Variants in FSIP1 observed in about 807,000 individuals in gnomAD.
FSIP1 encodes fibrous sheath-interacting protein 1.
FSIP1 carries 65 observed loss-of-function variants against 60.9 expected under a neutral mutation model. The ratio of observed to expected loss-of-function variants is 1.07; its 90% CI spans 0.87 to 1.31. FSIP1 has a LOEUF of 1.31. Among genes scored for constraint, FSIP1 ranks in the 40% most tolerant of loss-of-function variants. The pLI is 0.00. For synonymous variants in FSIP1, 209 were observed against 221.2 expected (o/e 0.94, Z 0.49); for missense variants, 675 against 665.5 (o/e 1.01, Z -0.16).
intron 10 of FSIP1, among the ~76,000 whole-genome samples, chr15:39,705,934 G>A (rs1034958108): frequency 2.0e-5 from 3 of 150,968 alleles, no homozygotes; most frequent in African/African-American, 7.3e-5. Context: ...GGAGGCAGAG[G>A]TTGCAGTGAG....
In FSIP1 at chr15:39,651,983, C is replaced by T. The variant is rs548197940; in HGVS notation, c.1189-33738G>A. On this transcript the variant is annotated intron_variant, in intron 10 of 11. Transcript: ENST00000350221. ...CCACATTAAAGCAGTCAGCTCAATTCTTGACACACAGATTGGAGGACAAAT... is the reference window on the plus strand; with the variant it reads ...CCACATTAAAGCAGTCAGCTCAATTTTTGACACACAGATTGGAGGACAAAT... Among the ~76,000 whole-genome samples the T allele has an allele frequency of 9.8e-5, 15 of 152,350 alleles. No individual in the cohort carries two copies. The South Asian group carries it at 3.1e-3, about 32-fold the overall frequency.
chr15:39,780,306 G>C (rs113945032), intron 1 of FSIP1, among the ~76,000 whole-genome samples: 1,645 of 152,214 alleles, frequency 0.011, 32 homozygotes, highest in African/African-American at 0.037. Flanking sequence ...GGCAGATCAC[G>C]AGGTCAGGAG....
intron 9 of FSIP1, among the ~76,000 whole-genome samples, chr15:39,716,231 C>T (rs1401240597): frequency 6.6e-6 from 1 of 152,168 alleles, no homozygotes; most frequent in Non-Finnish European, 1.5e-5. Flanking sequence ...AAGTAGGACA[C>T]ATGGTAATCT....
At chr15:39,680,393 A>C (rs978191115) in intron 10 of FSIP1, among the ~76,000 whole-genome samples, 1 of 152,224 alleles carries the variant, frequency 6.6e-6, no homozygotes, top group Non-Finnish European at 1.5e-5. Flanking sequence ...TTCTTTTGAC[A>C]TGGTATCATA....
rs962626526 is a variant in FSIP1, at chr15:39,702,510, T to C, written c.1188+10934A>G. On this transcript the variant is annotated intron_variant, in intron 10 of 11. Coordinates refer to ENST00000350221, the MANE Select transcript of FSIP1 (RefSeq NM_152597.5). ...CTCCCTTAACATCTAGTCTGCCATA[T>C]AGCTAGAACTAGAACTCTCCCGTCC... 1.8e-5 allele frequency among the ~76,000 whole-genome samples: 2 copies of C among 113,560 alleles called. 1 individual carries two copies. The highest frequency in any genetic ancestry group is 6.8e-5 in the African/African-American group (2 of 29,546). 74.5% of individuals were successfully genotyped at this position (113,560 alleles called of 152,430 possible). A position where few individuals can be genotyped will look rare whatever the true frequency, so the allele number is the denominator to read the frequency against.
At position 39,770,545 on chromosome 15, in the gene FSIP1, G is replaced by T; in HGVS notation, c.192C>A (p.Asn64Lys). ...GCTTATCATCATTACTAGTTCTTCT[G>T]TTCTCTGTATTACTGCTTTCGGAGT... ...EDHSESSNTENRRTSNDDKQE... is the reference protein window; with the variant it reads ...EDHSESSNTEKRRTSNDDKQE... The change falls in exon 3 of 12, where the codon AAC (asparagine) becomes AAA (lysine). Residue 64 changes from asparagine to lysine, a missense_variant. Physicochemically the swap from Asn to Lys is moderately conservative, Grantham distance 94. Coordinates refer to ENST00000350221, the MANE Select transcript of FSIP1 (RefSeq NM_152597.5). The T allele has an allele frequency of 6.2e-7, 1 of 1,609,368 alleles. No individual in the cohort carries two copies. Among genetic ancestry groups the T allele is most frequent in the Non-Finnish European group, 8.5e-7 (1 of 1,178,776 alleles).
intron 10 of FSIP1, among the ~76,000 whole-genome samples, chr15:39,701,314 A>T (rs374404964): frequency 1.3e-5 from 2 of 152,218 alleles, no homozygotes; most frequent in Non-Finnish European, 2.9e-5. Flanking sequence ...GCAAAAAAAA[A>T]GTTGGAAAAA....
chr15:39,755,485 A>G (rs145905638), intron 5 of FSIP1, among the ~76,000 whole-genome samples: 2 of 152,276 alleles, frequency 1.3e-5, no homozygotes, highest in East Asian at 3.9e-4. Context: ...GCACATAGTA[A>G]TAGTTTGGAA....
chr15:39,724,498 C>T (rs977165538), intron 9 of FSIP1, among the ~76,000 whole-genome samples: 5 of 152,184 alleles, frequency 3.3e-5, no homozygotes, highest in African/African-American at 9.6e-5. Flanking sequence ...GTGATCTACA[C>T]GCCTCAGCCT....
chr15:39,648,084 G>C (rs1388394159), intron 10 of FSIP1, among the ~76,000 whole-genome samples: 1 of 150,998 alleles, frequency 6.6e-6, no homozygotes, highest in African/African-American at 2.4e-5. Flanking sequence ...CGAGTTAGTG[G>C]GTGCAGCGCA....
intron 9 of FSIP1, among the ~76,000 whole-genome samples, chr15:39,716,589 C>T (rs1895746569): frequency 6.6e-6 from 1 of 152,212 alleles, no homozygotes; most frequent in African/African-American, 2.4e-5. Flanking sequence ...TTCATAAAAG[C>T]TATGTGCATG....
rs80184610 is a variant in FSIP1 at position 39,664,560 on chromosome 15, G to A, written c.1189-46315C>T. 3.5e-3 allele frequency among the ~76,000 whole-genome samples: 535 copies of A among 152,010 alleles called. 5 individuals are homozygous for A. Among genetic ancestry groups the A allele is most frequent in the African/African-American group, 0.012 (485 of 41,444 alleles). On this transcript the variant is annotated intron_variant, in intron 10 of 11. Transcript: ENST00000350221. Reference sequence around the variant, plus strand: ...TGTATTTTATTTTAGATTCATTATCGCCACCCCAATACCTGCTCTTCTCTC... The same window carrying A: ...TGTATTTTATTTTAGATTCATTATCACCACCCCAATACCTGCTCTTCTCTC...
intron 9 of FSIP1, among the ~76,000 whole-genome samples, chr15:39,718,296 A>T (rs1452162939): frequency 6.7e-6 from 1 of 148,492 alleles, no homozygotes; most frequent in Non-Finnish European, 1.5e-5. Flanking sequence ...ATAATTATAT[A>T]CATATATATG....
intron 10 of FSIP1, among the ~76,000 whole-genome samples, chr15:39,696,884 G>C (rs1422636551): frequency 8.5e-5 from 1 of 11,704 alleles, no homozygotes; most frequent in African/African-American, 1.3e-4. Flanking sequence ...GTGTGTGTGT[G>C]TGTGTGTGTG....
intron 10 of FSIP1, among the ~76,000 whole-genome samples, chr15:39,673,563 G>C (rs1359581348): frequency 1.3e-5 from 2 of 152,088 alleles, no homozygotes; most frequent in Non-Finnish European, 2.9e-5. Flanking sequence ...CAATCCTCCT[G>C]CCACAGCCTC....
chr15:39,712,469 CA>C (rs113221877), intron 10 of FSIP1, among the ~76,000 whole-genome samples: 2 of 149,420 alleles, frequency 1.3e-5, no homozygotes, highest in Non-Finnish European at 3.0e-5. Context: ...AAGTAGGGAC[CA>C]AAAAAAAAGA....
intron 11 of FSIP1, among the ~76,000 whole-genome samples, chr15:39,613,298 G>GTA (rs1891101138): frequency 2.0e-5 from 3 of 152,062 alleles, no homozygotes; most frequent in Non-Finnish European, 4.4e-5. Context: ...AATACAAAGG[G>GTA]TAATTATGTA....
Position 39,763,906 on chromosome 15 carries a change from T to C in FSIP1, c.474A>G (p.Lys158=). 1.3e-6 allele frequency: 2 copies of C among 1,558,344 alleles called. No homozygotes were observed. Among genetic ancestry groups the C allele is most frequent in the South Asian group, 1.1e-5 (1 of 87,526 alleles). ...IKLWEEIKSA[K]YSEAWQSKEE... is the part of the protein sequence containing the mutation. ...CTTTACTTTGCCAAGCTTCACTATATTTTGCAGACTAATGAAAGGAAAATT... is the reference window on the plus strand; with the variant it reads ...CTTTACTTTGCCAAGCTTCACTATACTTTGCAGACTAATGAAAGGAAAATT... The change falls in exon 5 of 12, where the codon AAA becomes AAG. Residue 158 remains lysine, a synonymous_variant. Coordinates refer to ENST00000350221, the MANE Select transcript of FSIP1 (RefSeq NM_152597.5).
At chr15:39,741,130 C>A (rs2140642144) in intron 6 of FSIP1, among the ~76,000 whole-genome samples, 1 of 152,220 alleles carries the variant, frequency 6.6e-6, no homozygotes, top group South Asian at 2.1e-4. Context: ...TTTGTTTATT[C>A]ATTCAGTTGA....
Sources: allele counts gnomAD v4.1 joint callset (sites outside exome capture counted in the v4.1 genomes callset), GRCh38; gene constraint gnomAD v4.1.1; transcripts MANE v1.5; gene names NCBI Gene and HGNC (gene_info 2026-07-23, HGNC 2026-07-21).